KCND2: variants seen among roughly 807,000 people sequenced by gnomAD.
KCND2 encodes A-type voltage-gated potassium channel KCND2.
KCND2 carries 16 observed loss-of-function variants against 54.4 expected under a neutral mutation model. That is an observed-to-expected ratio of 0.29 (90% CI 0.20 to 0.45). KCND2 has a LOEUF of 0.45. KCND2 is among the 20% of genes least tolerant of loss of function. KCND2 has a pLI of 1.00. For synonymous variants in KCND2, 317 were observed against 310.7 expected (o/e 1.02, Z -0.21); for missense variants, 486 against 824.2 (o/e 0.59, Z 5.02).
intron 1 of KCND2, among the ~76,000 whole-genome samples, chr7:120,489,856 G>A (rs561655465): frequency 2.5e-4 from 38 of 152,148 alleles, no homozygotes; most frequent in Non-Finnish European, 3.8e-4. Context: ...TTGTGGGCCC[G>A]CCATGATAAT....
chr7:120,475,064 A>G (rs1218804517), intron 1 of KCND2, among the ~76,000 whole-genome samples: 2 of 152,186 alleles, frequency 1.3e-5, no homozygotes, highest in Non-Finnish European at 2.9e-5. Context: ...TGAGCAATTT[A>G]TATTTCACTC....
chr7:120,355,769 C>G (rs1019176975), intron 1 of KCND2, among the ~76,000 whole-genome samples: 2 of 152,156 alleles, frequency 1.3e-5, no homozygotes, highest in South Asian at 4.1e-4. Context: ...ACCATCATAA[C>G]TAGGGGACTG....
In KCND2 at chr7:120,490,906, C is replaced by T. The variant is rs6966245; in HGVS notation, c.1115+215159C>T. 2.5e-3 allele frequency among the ~76,000 whole-genome samples: 374 copies of T among 152,208 alleles called. 3 individuals carry two copies. Among genetic ancestry groups the T allele is most frequent in the African/African-American group, 8.7e-3 (360 of 41,544 alleles). ...TGTCATCTCATTGCTGAAGTTATAACGAGATTTTGGGAATCACAGCAGAAA... is the reference window on the plus strand; with the variant it reads ...TGTCATCTCATTGCTGAAGTTATAATGAGATTTTGGGAATCACAGCAGAAA... On this transcript the variant is annotated intron_variant, in intron 1 of 5. Coordinates refer to ENST00000331113, the MANE Select transcript of KCND2 (RefSeq NM_012281.3).
intron 1 of KCND2, among the ~76,000 whole-genome samples, chr7:120,589,541 A>C (rs1453070227): frequency 6.6e-6 from 1 of 152,234 alleles, no homozygotes; most frequent in African/African-American, 2.4e-5. Flanking sequence ...TTGAGCCTAA[A>C]ACCCTTAAAT....
chr7:120,383,281 TG>T (rs879376392), intron 1 of KCND2, among the ~76,000 whole-genome samples: 108 of 152,116 alleles, frequency 7.1e-4, no homozygotes, highest in African/African-American at 2.6e-3. Flanking sequence ...TATCAGCCAA[TG>T]GCATCTAGGC....
At chr7:120,342,890 T>C (rs963349253) in intron 1 of KCND2, among the ~76,000 whole-genome samples, 6 of 152,148 alleles carry the variant, frequency 3.9e-5, no homozygotes, top group African/African-American at 9.7e-5. Context: ...ATATTTCCAG[T>C]CTTGCATGAT....
intron 1 of KCND2, among the ~76,000 whole-genome samples, chr7:120,526,955 CTTTAA>C (rs1341894465): frequency 6.6e-6 from 1 of 152,012 alleles, no homozygotes; most frequent in African/African-American, 2.4e-5. Context: ...AAATATTTGA[CTTTAA>C]TTCAATAATC....
chr7:120,661,442 A>C (rs575372495), intron 1 of KCND2, among the ~76,000 whole-genome samples: 95 of 152,212 alleles, frequency 6.2e-4, no homozygotes, highest in African/African-American at 2.2e-3. Context: ...TGAAGTCAGG[A>C]GTTCAAGACC....
intron 1 of KCND2, among the ~76,000 whole-genome samples, chr7:120,597,938 T>G (rs1792765823): frequency 6.6e-6 from 1 of 152,136 alleles, no homozygotes; most frequent in Admixed American, 6.6e-5. Flanking sequence ...TAGGGTACTC[T>G]TCTTTAAGTC....
intron 1 of KCND2, among the ~76,000 whole-genome samples, chr7:120,349,635 C>G (rs1350106474): frequency 1.3e-5 from 2 of 152,104 alleles, no homozygotes; most frequent in African/African-American, 2.4e-5. Context: ...ATTAAGGGAG[C>G]TTTTGAATTT....
At chr7:120,634,820 C>A (rs1472274563) in intron 1 of KCND2, among the ~76,000 whole-genome samples, 1 of 152,182 alleles carries the variant, frequency 6.6e-6, no homozygotes, top group Admixed American at 6.5e-5. Context: ...CTCTTCCTCA[C>A]CTTGCAGGGT....
chr7:120,401,204 G>A (rs541406649), intron 1 of KCND2, among the ~76,000 whole-genome samples: 6 of 152,170 alleles, frequency 3.9e-5, no homozygotes, highest in Admixed American at 1.3e-4. Flanking sequence ...CAGATAGCAC[G>A]GTAGCATCTC....
At chr7:120,299,660 C>CCTT (rs1245351555) in intron 1 of KCND2, among the ~76,000 whole-genome samples, 1 of 152,136 alleles carries the variant, frequency 6.6e-6, no homozygotes, top group Non-Finnish European at 1.5e-5. Context: ...CCAAATGAAA[C>CCTT]ATGATTTTCA....
At chr7:120,453,206 C>A (rs979313610) in intron 1 of KCND2, among the ~76,000 whole-genome samples, 10 of 152,202 alleles carry the variant, frequency 6.6e-5, no homozygotes, top group Non-Finnish European at 2.9e-5. Flanking sequence ...TCTTCTCCCC[C>A]ACCACTGTGC....
At chr7:120,295,558 T>C (rs1241476928) in intron 1 of KCND2, among the ~76,000 whole-genome samples, 1 of 151,944 alleles carries the variant, frequency 6.6e-6, no homozygotes, top group Non-Finnish European at 1.5e-5. Flanking sequence ...ATGAAGCATT[T>C]GAGGTTGAAT....
At chr7:120,457,349 C>T (rs1000001241) in intron 1 of KCND2, among the ~76,000 whole-genome samples, 1 of 152,216 alleles carries the variant, frequency 6.6e-6, no homozygotes, top group African/African-American at 2.4e-5. Context: ...ACTGCATCAT[C>T]AGGCTGCACA....
intron 1 of KCND2, among the ~76,000 whole-genome samples, chr7:120,611,926 T>C (rs539196646): frequency 1.1e-4 from 17 of 152,310 alleles, no homozygotes; most frequent in African/African-American, 4.1e-4. Flanking sequence ...TAGTACTCTG[T>C]AGTAATAGTT....
intron 1 of KCND2, among the ~76,000 whole-genome samples, chr7:120,723,804 G>A (rs1562920534): frequency 6.6e-6 from 1 of 152,168 alleles, no homozygotes; most frequent in Non-Finnish European, 1.5e-5. Context: ...TGTGACCATG[G>A]AAAACAGGTA....
chr7:120,274,803 C>T lies in KCND2; in HGVS notation c.171C>T (p.Asp57=), dbSNP rs1799147777. The change falls in exon 1 of 6, where the codon GAC becomes GAT. Residue 57 remains aspartate, a synonymous_variant. Coordinates refer to ENST00000331113, the MANE Select transcript of KCND2 (RefSeq NM_012281.3). ...VSGTRFQTWQ[D]TLERYPDTLL... ...GCACCCGCTTCCAGACGTGGCAGGACACCCTGGAACGTTACCCAGACACTC... is the reference window on the plus strand; with the variant it reads ...GCACCCGCTTCCAGACGTGGCAGGATACCCTGGAACGTTACCCAGACACTC... 1 of 1,614,032 alleles carries T rather than the reference C, an allele frequency of 6.2e-7. No homozygotes were observed.
Sources: gnomAD v4.1 joint callset for allele counts (sites outside exome capture counted in the v4.1 genomes callset) on GRCh38, gnomAD v4.1.1 for gene constraint, MANE v1.5 for transcripts, NCBI Gene and HGNC (gene_info 2026-07-23, HGNC 2026-07-21) for gene names.